GRIK4: variants seen among roughly 807,000 people sequenced by gnomAD.
The protein encoded by GRIK4 is glutamate receptor ionotropic, kainate 4.
A neutral mutation model predicts 104.9 loss-of-function variants in GRIK4; 40 were observed. The observed-to-expected ratio is 0.38, with a 90% CI of 0.30 to 0.50. GRIK4 has a LOEUF of 0.50. GRIK4 is among the 20% of genes least tolerant of loss of function. The pLI, the probability that GRIK4 is intolerant of heterozygous loss-of-function variation, is 0.93. For missense variants in GRIK4, 1,047 were observed against 1,308.1 expected, an observed-to-expected ratio of 0.80 and a Z score of 3.08; for synonymous variants, 485 against 524.9, an observed-to-expected ratio of 0.92 and a Z score of 1.04.
intron 19 of GRIK4, among the ~76,000 whole-genome samples, chr11:120,981,545 T>C (rs2134798806): frequency 6.6e-6 from 1 of 152,338 alleles, no homozygotes; most frequent in East Asian, 1.9e-4. Context: ...TCTAGGCAGT[T>C]CTGATGGCAG....
chr11:120,802,770 C>G lies in GRIK4; in HGVS notation c.160C>G (p.Arg54Gly), dbSNP rs145641056. 1.2e-6 allele frequency: 2 copies of G among 1,613,986 alleles called. No homozygotes were observed. The highest frequency in any genetic ancestry group is 1.1e-5 in the South Asian group (1 of 91,082). ...CACCCTGGCCAAGAACCGCATCAAC[C>G]GCGCTCCTGAGAGGCTGGGCAAGGC... is the stretch of plus-strand genomic sequence containing the variant. ...SITLAKNRINRAPERLGKAKV... is the reference protein window; with the variant it reads ...SITLAKNRINGAPERLGKAKV... The change falls in exon 4 of 21, where the codon CGC (arginine) becomes GGC (glycine). Residue 54 changes from arginine (R) to glycine (G), a missense_variant. Coordinates refer to ENST00000527524, the MANE Select transcript of GRIK4 (RefSeq NM_014619.5).
chr11:120,811,813 T>C (rs1952834766), intron 4 of GRIK4, among the ~76,000 whole-genome samples: 1 of 152,250 alleles, frequency 6.6e-6, no homozygotes, highest in Non-Finnish European at 1.5e-5. Flanking sequence ...ACATTTTATA[T>C]ACTTATTCCC....
Position 120,939,027 on chromosome 11 carries a change from T to C in GRIK4, c.1477-1320T>C, listed in dbSNP as rs1943660166. Among the ~76,000 whole-genome samples, 1 of 152,166 alleles carries C rather than the reference T, an allele frequency of 6.6e-6. No homozygotes were observed. Among genetic ancestry groups the C allele is most frequent in the Admixed American group, 6.5e-5 (1 of 15,282 alleles). On this transcript the variant is annotated intron_variant, in intron 13 of 20. Coordinates refer to ENST00000527524, the MANE Select transcript of GRIK4 (RefSeq NM_014619.5). The surrounding 1 kb of genome is among the most constrained non-coding windows in gnomAD (Gnocchi z 5.6). ...GGACCCAGGCACTCTCCTTGATTTA[T>C]GGATGAGGTTAAGGGAGCCTAGAGA...
chr11:120,809,195 C>A (rs939476862), intron 4 of GRIK4, among the ~76,000 whole-genome samples: 1 of 152,222 alleles, frequency 6.6e-6, no homozygotes, highest in Admixed American at 6.5e-5. Context: ...CCAGCCTGGG[C>A]TTCTAAGGGG....
At chr11:120,865,804 G>A (rs1954392879) in intron 9 of GRIK4, among the ~76,000 whole-genome samples, 1 of 152,182 alleles carries the variant, frequency 6.6e-6, no homozygotes. Context: ...ACTCGAGGTT[G>A]GGTGATTTGT....
chr11:120,716,533 T>C (rs1201397237), intron 3 of GRIK4, among the ~76,000 whole-genome samples: 1 of 152,196 alleles, frequency 6.6e-6, no homozygotes, highest in Non-Finnish European at 1.5e-5. Context: ...TGTGAGCCAC[T>C]ACGTCTGGCT....
intron 3 of GRIK4, among the ~76,000 whole-genome samples, chr11:120,672,519 T>C (rs1364230052): frequency 6.6e-6 from 1 of 152,260 alleles, no homozygotes; most frequent in Non-Finnish European, 1.5e-5. Flanking sequence ...TGAATTACTT[T>C]GGGCAGTATG....
intron 3 of GRIK4, among the ~76,000 whole-genome samples, chr11:120,757,170 A>G (rs1346550882): frequency 2.0e-5 from 3 of 152,142 alleles, no homozygotes; most frequent in Non-Finnish European, 4.4e-5. Flanking sequence ...CACCAGCCCC[A>G]CAGAGATACT....
chr11:120,876,733 C>T (rs150996016), intron 11 of GRIK4, among the ~76,000 whole-genome samples: 41 of 152,268 alleles, frequency 2.7e-4, no homozygotes, highest in African/African-American at 9.4e-4. Flanking sequence ...CCTCTAAAGT[C>T]TAAGTTCTTA....
Position 120,803,189 on chromosome 11 carries a change from A to G in GRIK4, c.247+332A>G, listed in dbSNP as rs1952652288. Among the ~76,000 whole-genome samples the G allele has an allele frequency of 1.3e-5, 2 of 152,170 alleles. 1 individual carries two copies. The highest frequency in any genetic ancestry group is 4.1e-4 in the South Asian group (2 of 4,826). ...TGAAATCTCGTGTGTGATAAGAGAG[A>G]CGGCCAGCCCAAGGGTATCTTAGCC... On this transcript the variant is annotated intron_variant, in intron 4 of 20. Transcript: ENST00000527524.
In GRIK4 at chr11:120,689,415, A is replaced by G. The variant is rs115702677; in HGVS notation, c.82+29015A>G. ...GGTTTCTCTTATTTATGAAATACCA[A>G]CTCCTTAGTGTGCAGTATCCCTTCC... On this transcript the variant is annotated intron_variant, in intron 3 of 20. Transcript: ENST00000527524. Among the ~76,000 whole-genome samples, 634 of 151,564 alleles carry G rather than the reference A, an allele frequency of 4.2e-3. 4 individuals carry two copies. The highest frequency in any genetic ancestry group is 0.014 in the African/African-American group (588 of 41,264).
chr11:120,649,306 G>GA (rs369481404), intron 1 of GRIK4, among the ~76,000 whole-genome samples: 33 of 144,002 alleles, frequency 2.3e-4, no homozygotes, highest in Admixed American at 2.8e-4. Flanking sequence ...TAAGACTGAA[G>GA]AAAAAAAAAA....
chr11:120,600,358 A>G (rs1948868113), intron 1 of GRIK4, among the ~76,000 whole-genome samples: 1 of 152,146 alleles, frequency 6.6e-6, no homozygotes, highest in East Asian at 1.9e-4. Flanking sequence ...TTAAAAAAAA[A>G]GAAAACTAGA....
rs564396596 is a variant in GRIK4 at position 120,953,179 on chromosome 11, C to T, written c.1700+215C>T. 1.3e-4 allele frequency among the ~76,000 whole-genome samples: 20 copies of T among 152,164 alleles called. No homozygotes were observed. Among genetic ancestry groups the T allele is most frequent in the African/African-American group, 4.1e-4 (17 of 41,482 alleles). ...CCATCCAAACATTCCCCACTGTGCA[C>T]GACGCAGACAGGTGGCTTGGCTTCT... On this transcript the variant is annotated intron_variant, in intron 15 of 20. Transcript: ENST00000527524. This position sits in a 1 kb window ranked among gnomAD's most constrained non-coding sequence, Gnocchi z 4.9.
intron 3 of GRIK4, among the ~76,000 whole-genome samples, chr11:120,697,555 T>C (rs10892617): frequency 0.79 from 119,409 of 152,094 alleles, 47,851 homozygotes; most frequent in African/African-American, 0.94. Context: ...ACAGAAGTTG[T>C]GGTGAGCCGA....
intron 3 of GRIK4, among the ~76,000 whole-genome samples, chr11:120,794,156 G>T (rs890674722): frequency 6.8e-6 from 1 of 147,994 alleles, no homozygotes; most frequent in Non-Finnish European, 1.5e-5. Flanking sequence ...GCTGAGAGCC[G>T]GGTGATGGTT....
intron 1 of GRIK4, among the ~76,000 whole-genome samples, chr11:120,596,320 T>G (rs1173891514): frequency 3.9e-5 from 6 of 152,218 alleles, no homozygotes; most frequent in Non-Finnish European, 8.8e-5. Context: ...CATTCTTACA[T>G]TCTAGAAAGG....
At chr11:120,615,623 C>T (rs182750976) in intron 1 of GRIK4, among the ~76,000 whole-genome samples, 2 of 152,260 alleles carry the variant, frequency 1.3e-5, no homozygotes, top group East Asian at 3.9e-4. Flanking sequence ...CCAGGGAGCC[C>T]CTAGAGACCT....
chr11:120,874,875 C>G (rs1383655804), intron 10 of GRIK4, among the ~76,000 whole-genome samples: 1 of 152,148 alleles, frequency 6.6e-6, no homozygotes, highest in Admixed American at 6.6e-5. Flanking sequence ...AAGTTAGCAC[C>G]ATGACTGGGT....
Sources: gnomAD v4.1 joint callset for allele counts (sites outside exome capture counted in the v4.1 genomes callset) on GRCh38, gnomAD v4.1.1 for gene constraint, Gnocchi (gnomAD v3.1) non-coding constraint, MANE v1.5 for transcripts, NCBI Gene and HGNC (gene_info 2026-07-23, HGNC 2026-07-21) for gene names.